PTPRT: variants seen among roughly 807,000 people sequenced by gnomAD.
PTPRT encodes the protein receptor-type tyrosine-protein phosphatase T.
Under a neutral mutation model 176.8 loss-of-function variants are expected in PTPRT, and 56 were observed. The observed-to-expected ratio is 0.32, with a 90% confidence interval of 0.26 to 0.40. PTPRT has a LOEUF of 0.40. Among genes scored for constraint, PTPRT ranks in the 10% least tolerant of loss-of-function variants. The pLI, the probability that PTPRT is intolerant of heterozygous loss-of-function variation, is 1.00. For missense variants in PTPRT, 1,540 were observed against 1,908.2 expected, an observed-to-expected ratio of 0.81 and a Z score of 3.60; for synonymous variants, 783 against 739.0, an observed-to-expected ratio of 1.06 and a Z score of -0.96.
intron 22 of PTPRT, among the ~76,000 whole-genome samples, chr20:42,111,017 A>ACTT (rs2146295522): frequency 6.6e-6 from 1 of 152,230 alleles, no homozygotes; most frequent in South Asian, 2.1e-4. Flanking sequence ...GTAGATTCTT[A>ACTT]CTTAGAATGA....
intron 1 of PTPRT, among the ~76,000 whole-genome samples, chr20:43,113,790 ATGACTTTTTCATAAC>A (rs1400301138): frequency 4.6e-5 from 7 of 152,240 alleles, no homozygotes; most frequent in African/African-American, 7.2e-5. Flanking sequence ...ACCTATAGGA[ATGACTTTTTCATAAC>A]TGATGCAAAC....
At chr20:42,104,830 A>G (rs1986279609) in intron 24 of PTPRT, 112 bp from the exon 25 acceptor site, 2 of 1,178,706 alleles carry the variant, frequency 1.7e-6, no homozygotes, top group Non-Finnish European at 2.3e-6. Flanking sequence ...TTATCAATAT[A>G]TTACAGGATC....
chr20:42,706,737 C>T (rs2076065803), intron 6 of PTPRT, among the ~76,000 whole-genome samples: 1 of 152,162 alleles, frequency 6.6e-6, no homozygotes, highest in South Asian at 2.1e-4. Flanking sequence ...CATACAGAAT[C>T]TTGAAATACC....
chr20:42,887,680 T>C (rs550683982), intron 1 of PTPRT, among the ~76,000 whole-genome samples: 6 of 152,290 alleles, frequency 3.9e-5, no homozygotes, highest in African/African-American at 1.2e-4. Context: ...AGATCTGACA[T>C]AGAATACAGT....
chr20:42,376,439 A>G lies in PTPRT; in HGVS notation c.1561-24154T>C, dbSNP rs547974511. 1.7e-3 allele frequency among the ~76,000 whole-genome samples: 254 copies of G among 152,256 alleles called. 2 individuals are homozygous for G. The highest frequency in any genetic ancestry group is 4.8e-3 in the African/African-American group (198 of 41,552). Reference sequence around the variant, plus strand: ...AGTGATCAATGGCTCCATTGCGGAGACATGTCTTCTGTTCCATTCCTGTGA... The same window carrying G: ...AGTGATCAATGGCTCCATTGCGGAGGCATGTCTTCTGTTCCATTCCTGTGA... On this transcript the variant is annotated intron_variant, in intron 9 of 30. Coordinates refer to ENST00000373187, the MANE Select transcript of PTPRT (RefSeq NM_007050.6).
At chr20:42,209,029 C>A (rs958298225) in intron 15 of PTPRT, among the ~76,000 whole-genome samples, 1 of 152,196 alleles carries the variant, frequency 6.6e-6, no homozygotes, top group Non-Finnish European at 1.5e-5. Context: ...AACTGAACAA[C>A]CTGCTCCTGA....
At chr20:42,828,161 A>C (rs2078027584) in intron 2 of PTPRT, among the ~76,000 whole-genome samples, 1 of 152,226 alleles carries the variant, frequency 6.6e-6, no homozygotes, top group African/African-American at 2.4e-5. Context: ...AGTCATGTGA[A>C]CAATGAAGTC....
intron 7 of PTPRT, among the ~76,000 whole-genome samples, chr20:42,592,081 G>A (rs1435576556): frequency 1.2e-4 from 17 of 146,502 alleles, no homozygotes; most frequent in African/African-American, 4.1e-4. Context: ...CTGGGTTCAC[G>A]CCATTCTCCT....
At chr20:43,157,131 C>A (rs972930612) in intron 1 of PTPRT, among the ~76,000 whole-genome samples, 2 of 151,832 alleles carry the variant, frequency 1.3e-5, no homozygotes, top group Non-Finnish European at 2.9e-5. Flanking sequence ...GCGGGAGGAT[C>A]GCTTGAGCCC....
chr20:42,952,116 C>T (rs1000117391), intron 1 of PTPRT, among the ~76,000 whole-genome samples: 4 of 152,184 alleles, frequency 2.6e-5, no homozygotes, highest in Admixed American at 6.5e-5. Flanking sequence ...CATGTGGCCA[C>T]GCAGTGTCCA....
chr20:42,086,851 G>C (rs1198694667), intron 27 of PTPRT, among the ~76,000 whole-genome samples: 1 of 147,002 alleles, frequency 6.8e-6, no homozygotes, highest in Non-Finnish European at 1.5e-5. Context: ...TTTTCTCATA[G>C]GTAAAGTGGG....
the PTPRT span, among the ~76,000 whole-genome samples, chr20:42,039,038 G>T: frequency 6.6e-6 from 1 of 152,130 alleles, no homozygotes; most frequent in Non-Finnish European, 1.5e-5. Flanking sequence ...TTGCAGGAGC[G>T]GGGTTGTGGA....
chr20:42,986,974 T>C (rs1177882019), intron 1 of PTPRT, among the ~76,000 whole-genome samples: 4 of 152,106 alleles, frequency 2.6e-5, no homozygotes, highest in Non-Finnish European at 5.9e-5. Context: ...CTAGACCAGG[T>C]AGAAACAAAC....
intron 16 of PTPRT, among the ~76,000 whole-genome samples, chr20:42,184,598 T>TTCTTCTTCC (rs1990686413): frequency 2.9e-5 from 4 of 139,586 alleles, no homozygotes; most frequent in South Asian, 4.7e-4. Flanking sequence ...CTTCTTCCTC[T>TTCTTCTTCC]TCTTCTTCTT....
chr20:42,134,690 A>C (rs574347989), intron 18 of PTPRT, among the ~76,000 whole-genome samples: 1 of 152,242 alleles, frequency 6.6e-6, no homozygotes, highest in East Asian at 1.9e-4. Context: ...ATGTCTGCTG[A>C]TTTCTGTGGT....
rs369008889 is a variant in PTPRT, at chr20:42,477,601, AG to A, written c.1154-5040del. On this transcript the variant is annotated intron_variant, in intron 7 of 30. Coordinates refer to ENST00000373187, the MANE Select transcript of PTPRT (RefSeq NM_007050.6). ...CAAACAAGTTGGAAATTGCTAAGAA[AG>A]CCTTGTGTGTGCAGTGGAGATTGGT... Among the ~76,000 whole-genome samples, 187 of 152,246 alleles carry A rather than the reference AG, an allele frequency of 1.2e-3. 1 individual carries two copies. The highest frequency in any genetic ancestry group is 4.0e-3 in the African/African-American group (166 of 41,558).
chr20:42,185,136 G>A (rs1990723476), intron 16 of PTPRT, among the ~76,000 whole-genome samples: 1 of 152,088 alleles, frequency 6.6e-6, no homozygotes, highest in Non-Finnish European at 1.5e-5. Flanking sequence ...GGAAAAGCCA[G>A]GTATCCATGA....
intron 5 of PTPRT, among the ~76,000 whole-genome samples, chr20:42,760,426 T>G (rs1164092322): frequency 6.9e-6 from 1 of 144,680 alleles, no homozygotes; most frequent in African/African-American, 2.6e-5. Flanking sequence ...GGCTGGGAAC[T>G]GACCTCAGTA....
At chr20:42,846,963 G>A (rs1196057837) in intron 2 of PTPRT, among the ~76,000 whole-genome samples, 1 of 152,150 alleles carries the variant, frequency 6.6e-6, no homozygotes, top group East Asian at 1.9e-4. Context: ...TGAGACTCTG[G>A]AGAAAACAAT....
Sources: gnomAD v4.1 joint callset for allele counts (sites outside exome capture counted in the v4.1 genomes callset) on GRCh38, gnomAD v4.1.1 for gene constraint, MANE v1.5 for transcripts, NCBI Gene and HGNC (gene_info 2026-07-23, HGNC 2026-07-21) for gene names.